Variants in ANKH observed in about 807,000 individuals in gnomAD.
The protein encoded by ANKH is mineralization regulator ANKH.
ANKH carries 15 observed loss-of-function variants against 49.0 expected under a neutral mutation model. The ratio of observed to expected loss-of-function variants is 0.31; its 90% CI spans 0.20 to 0.47. ANKH has a LOEUF of 0.47. Among genes scored for constraint, ANKH ranks in the 20% least tolerant of loss-of-function variants. The pLI is 1.00. For synonymous variants in ANKH, 273 were observed against 260.0 expected (o/e 1.05, Z -0.48); for missense variants, 429 against 652.0 (o/e 0.66, Z 3.72).
intron 1 of ANKH, among the ~76,000 whole-genome samples, chr5:14,830,946 T>G (rs982960406): frequency 2.6e-5 from 4 of 152,206 alleles, no homozygotes; most frequent in African/African-American, 9.6e-5. Flanking sequence ...AGTTGGTCAC[T>G]CTACAAGGTG....
intron 9 of ANKH, among the ~76,000 whole-genome samples, chr5:14,714,238 C>T (rs1004679226): frequency 3.3e-5 from 5 of 152,218 alleles, no homozygotes; most frequent in Admixed American, 6.5e-5. Flanking sequence ...TGTGGGCCCT[C>T]GTTGGTGTGC....
chr5:14,792,413 T>C (rs1031330181), intron 1 of ANKH, among the ~76,000 whole-genome samples: 2 of 152,102 alleles, frequency 1.3e-5, no homozygotes, highest in Non-Finnish European at 2.9e-5. Context: ...AGACTGGTGA[T>C]GATGGGACAG....
At chr5:14,797,272 T>A in intron 1 of ANKH, 2 of 1,445,066 alleles carry the variant, frequency 1.4e-6, no homozygotes, top group South Asian at 1.1e-5. Context: ...AAATCAGGTA[T>A]CTTGGCAGTG....
At chr5:14,807,550 T>G (rs1740746298) in intron 1 of ANKH, among the ~76,000 whole-genome samples, 1 of 152,230 alleles carries the variant, frequency 6.6e-6, no homozygotes, top group Non-Finnish European at 1.5e-5. Context: ...GTAAACCTAT[T>G]AAAATGCAAT....
chr5:14,757,709 C>A (rs568951508), intron 3 of ANKH, among the ~76,000 whole-genome samples: 1 of 152,156 alleles, frequency 6.6e-6, no homozygotes, highest in East Asian at 1.9e-4. Context: ...CAGAAAAGAA[C>A]TGTTTATCTG....
intron 11 of ANKH, among the ~76,000 whole-genome samples, chr5:14,712,621 T>C (rs1350022506): frequency 4.6e-5 from 7 of 152,240 alleles, no homozygotes; most frequent in East Asian, 1.9e-4. Context: ...CTGAAATCCA[T>C]GTCCACACCT....
chr5:14,710,753 T>A lies in ANKH; in HGVS notation c.*444A>T, dbSNP rs974417654. ...TACGGCCATGTGACTGGGAAGCAAA[T>A]CAAAGGAAGCCGAGTTTTAACCTGT... On this transcript the variant is annotated 3_prime_UTR_variant, in exon 12 of 12. Coordinates refer to ENST00000284268, the MANE Select transcript of ANKH (RefSeq NM_054027.6). The A allele has an allele frequency of 5.1e-6, 1 of 197,010 alleles. No homozygotes were observed. Among genetic ancestry groups the A allele is most frequent in the Admixed American group, 5.4e-5 (1 of 18,570 alleles). 12.2% of individuals were successfully genotyped at this position (197,010 alleles called of 1,614,324 possible).
intron 1 of ANKH, among the ~76,000 whole-genome samples, chr5:14,802,682 T>C (rs1233867850): frequency 6.6e-6 from 1 of 151,940 alleles, no homozygotes; most frequent in East Asian, 1.9e-4. Flanking sequence ...CTACAGATTC[T>C]TCCCTCCCCC....
intron 8 of ANKH, among the ~76,000 whole-genome samples, chr5:14,730,883 G>A (rs1409176346): frequency 6.6e-6 from 1 of 152,184 alleles, no homozygotes; most frequent in Non-Finnish European, 1.5e-5. Context: ...TACTGAAACT[G>A]TCTGTGACCT....
intron 1 of ANKH, among the ~76,000 whole-genome samples, chr5:14,858,715 CAATAAATAAATAAATA>C (rs141592621): frequency 1.2e-4 from 17 of 139,818 alleles, no homozygotes; most frequent in African/African-American, 1.8e-4. Context: ...GAATCCATCT[CAATAAATAAATAAATA>C]AATAAATAAA....
chr5:14,757,331 T>C (rs1738919467), intron 3 of ANKH, among the ~76,000 whole-genome samples: 1 of 151,564 alleles, frequency 6.6e-6, no homozygotes. Flanking sequence ...CAGACTAACA[T>C]ATTTTTAAGT....
intron 1 of ANKH, among the ~76,000 whole-genome samples, chr5:14,807,493 CAT>C (rs1410124181): frequency 6.6e-6 from 1 of 152,286 alleles, no homozygotes; most frequent in East Asian, 1.9e-4. Flanking sequence ...ACTTCTTGAG[CAT>C]GTCTTCCTAG....
intron 4 of ANKH, 94 bp downstream of exon 4, chr5:14,755,767 G>T (rs545337349): frequency 1.7e-6 from 2 of 1,166,698 alleles, no homozygotes; most frequent in Non-Finnish European, 1.3e-6. Flanking sequence ...AATGCAGAGT[G>T]TACTGCACAG....
intron 8 of ANKH, among the ~76,000 whole-genome samples, chr5:14,729,604 A>AT (rs1737931829): frequency 6.6e-6 from 1 of 151,942 alleles, no homozygotes; most frequent in Non-Finnish European, 1.5e-5. Flanking sequence ...CTCCGCCTCT[A>AT]CCTGCCAGCT....
At chr5:14,780,842 T>C (rs962911905) in intron 1 of ANKH, among the ~76,000 whole-genome samples, 1 of 152,222 alleles carries the variant, frequency 6.6e-6, no homozygotes, top group African/African-American at 2.4e-5. Context: ...CTCCTCCGTC[T>C]ACAGCTTCAA....
chr5:14,847,286 G>T (rs1741991599), intron 1 of ANKH, among the ~76,000 whole-genome samples: 4 of 152,158 alleles, frequency 2.6e-5, no homozygotes, highest in Admixed American at 2.6e-4. Context: ...TACTAAGGGG[G>T]AAAAAGGGGC....
chr5:14,780,157 G>A (rs1694565703), intron 1 of ANKH, among the ~76,000 whole-genome samples: 1 of 152,018 alleles, frequency 6.6e-6, no homozygotes, highest in African/African-American at 2.4e-5. Flanking sequence ...GGGCGACAGG[G>A]CATTCAGGAG....
intron 6 of ANKH, among the ~76,000 whole-genome samples, chr5:14,748,537 T>C (rs1393421347): frequency 2.6e-5 from 4 of 152,250 alleles, no homozygotes; most frequent in Admixed American, 2.6e-4. Flanking sequence ...CAAACCCAAC[T>C]TGAAAGAGGG....
chr5:14,768,869 G>A (rs1274002842), intron 2 of ANKH, 106 bp downstream of exon 2: 1 of 1,242,460 alleles, frequency 8.0e-7, no homozygotes, highest in African/African-American at 1.5e-5. Context: ...AGAAACATTT[G>A]ATAATTAGTG....
Sources: allele counts gnomAD v4.1 joint callset (sites outside exome capture counted in the v4.1 genomes callset), GRCh38; gene constraint gnomAD v4.1.1; transcripts MANE v1.5; gene names NCBI Gene and HGNC (gene_info 2026-07-23, HGNC 2026-07-21).